The following SV2A variants were observed in gnomAD, a reference collection of about 807,000 sequenced individuals.
SV2A encodes the protein solute carrier family 22 member B1.
In SV2A, 25 loss-of-function variants were observed where a neutral mutation model predicts 78.0. That is an observed-to-expected ratio of 0.32 (90% CI 0.23 to 0.45). The LOEUF is 0.45. SV2A is among the 20% of genes least tolerant of loss of function. SV2A has a pLI of 1.00. For missense variants in SV2A, 752 were observed against 971.5 expected (o/e 0.77, Z 3.00); for synonymous variants, 355 against 384.7 (o/e 0.92, Z 0.90).
chr1:149,904,100 C>T lies in SV2A; in HGVS notation c.*914G>A, dbSNP rs1302748650. The stretch of plus-strand genomic sequence containing the variant: ...CTGTAGTGGGTGGAGCCTCTCACTC[C>T]AGAGGAGGCCTCTGCTTCTTGAGGA... On this transcript the variant is annotated 3_prime_UTR_variant, in exon 13 of 13. Transcript: ENST00000369146. The T allele has an allele frequency of 6.5e-6, 1 of 152,796 alleles. No homozygotes were observed. The highest frequency in any genetic ancestry group is 1.5e-5 in the Non-Finnish European group (1 of 68,184). 9.5% of individuals were successfully genotyped at this position (152,796 alleles called of 1,614,324 possible). A position where few individuals can be genotyped will look rare whatever the true frequency, so the allele number is the denominator to read the frequency against.
chr1:149,916,259 G>T (rs941535745), intron 1 of SV2A, among the ~76,000 whole-genome samples: 1 of 152,192 alleles, frequency 6.6e-6, no homozygotes, highest in African/African-American at 2.4e-5. Flanking sequence ...CGTAGGGCAG[G>T]GAAGCCTTCC....
chr1:149,909,869 A>G lies in SV2A; in HGVS notation c.1111T>C (p.Trp371Arg), dbSNP rs1457582487. 6.2e-7 allele frequency: 1 copy of G among 1,614,096 alleles called. No homozygotes were observed. The highest frequency in any genetic ancestry group is 1.3e-5 in the African/African-American group (1 of 74,994). Reference protein sequence around the residue: ...FLENGKHDEAWMVLKQVHDTN... With the variant: ...FLENGKHDEARMVLKQVHDTN... ...TCATGGACCTGCTTCAGCACCATCC[A>G]GGCCTCATCATGCTTTCCATTCTAG... is the stretch of plus-strand genomic sequence containing the variant. The change falls in exon 6 of 13, where the codon TGG (tryptophan) becomes CGG (arginine). Residue 371 changes from tryptophan to arginine, a missense_variant. By Grantham distance (101) the Trp-to-Arg change is moderately radical. This residue lies in a region of SV2A where 136 missense variants were observed against 132.3 expected (regional missense o/e 1.03). Transcript: ENST00000369146.
intron 1 of SV2A, among the ~76,000 whole-genome samples, chr1:149,915,103 A>G (rs901406256): frequency 2.6e-5 from 4 of 152,198 alleles, no homozygotes; most frequent in African/African-American, 9.7e-5. Flanking sequence ...GATCTCAGTC[A>G]GGGTAGTTAA....
Position 149,904,879 on chromosome 1 carries a change from A to G in SV2A, c.*135T>C. 1 of 995,656 alleles carries G rather than the reference A, an allele frequency of 1.0e-6. No individual in the cohort carries two copies. The highest frequency in any genetic ancestry group is 1.7e-5 in the South Asian group (1 of 59,336). 61.7% of individuals were successfully genotyped at this position (995,656 alleles called of 1,614,324 possible). A position where few individuals can be genotyped will look rare whatever the true frequency, so the allele number is the denominator to read the frequency against. On this transcript the variant is annotated 3_prime_UTR_variant, in exon 13 of 13. Coordinates refer to ENST00000369146, the MANE Select transcript of SV2A (RefSeq NM_014849.5). ...TTTACACACATGCACACGCACACGC[A>G]CACACAGCTAAGACACCAAACACGG...
At chr1:149,917,000 A>G (rs1186906760) in intron 1 of SV2A, among the ~76,000 whole-genome samples, 1 of 151,808 alleles carries the variant, frequency 6.6e-6, no homozygotes, top group Non-Finnish European at 1.5e-5. Flanking sequence ...CCCTATCAGC[A>G]TTTGCAGCGA....
rs1465111542 is a variant in SV2A at position 149,904,472 on chromosome 1, T to A, written c.*542A>T. On this transcript the variant is annotated 3_prime_UTR_variant, in exon 13 of 13. Coordinates refer to ENST00000369146, the MANE Select transcript of SV2A (RefSeq NM_014849.5). ...TCAGGCTTCATATTTGCAGCCCAAA[T>A]TGAGAGGAAAGTGGAGGCCAGAGGG... is the stretch of plus-strand genomic sequence containing the variant. 1.3e-5 allele frequency: 2 copies of A among 152,936 alleles called. No homozygotes were observed. The highest frequency in any genetic ancestry group is 4.8e-5 in the African/African-American group (2 of 41,432). The allele number at this position is 152,936 out of a possible 1,614,324, so 9.5% of individuals were successfully genotyped here. A position where few individuals can be genotyped will look rare whatever the true frequency, so the allele number is the denominator to read the frequency against.
In SV2A at chr1:149,913,719, T is replaced by C. The variant is rs1409136448; in HGVS notation, c.122A>G (p.Tyr41Cys). Residue 41 changes from tyrosine (Y) to cysteine (C), a missense_variant, in exon 2 of 13, where the codon TAT (tyrosine) becomes TGT (cysteine). This residue lies in a region of SV2A where 291 missense variants were observed against 359.5 expected (regional missense o/e 0.81). Transcript: ENST00000369146. ...AAAGCGGGAGTACGATCTTCGGGAATATTCGTCCTGGACTCTGTCCAGGCC... is the reference window on the plus strand; with the variant it reads ...AAAGCGGGAGTACGATCTTCGGGAACATTCGTCCTGGACTCTGTCCAGGCC... ...VKGLDRVQDE[Y>C]SRRSYSRFEE... The C allele has an allele frequency of 1.2e-6, 2 of 1,613,956 alleles. No homozygotes were observed. The highest frequency in any genetic ancestry group is 1.3e-5 in the African/African-American group (1 of 74,878).
intron 8 of SV2A, among the ~76,000 whole-genome samples, chr1:149,908,669 G>A (rs948046088): frequency 1.7e-4 from 25 of 151,422 alleles, no homozygotes; most frequent in Non-Finnish European, 2.9e-4. Context: ...ACGGAGTCTC[G>A]CTCTGTCACC....
At chr1:149,905,317 G>A in intron 12 of SV2A, 120 bp from the exon 13 acceptor site, 2 of 876,124 alleles carry the variant, frequency 2.3e-6, no homozygotes, top group Non-Finnish European at 3.5e-6. Flanking sequence ...GGAGAGAGAA[G>A]GTTGGAGAGA....
chr1:149,904,846 C>G lies in SV2A; in HGVS notation c.*168G>C. 3 of 709,922 alleles carry G rather than the reference C, an allele frequency of 4.2e-6. No homozygotes were observed. Among genetic ancestry groups the G allele is most frequent in the Non-Finnish European group, 6.8e-6 (3 of 440,118 alleles). The allele number at this position is 709,922 out of a possible 1,614,324, so 44.0% of individuals were successfully genotyped here. A position where few individuals can be genotyped will look rare whatever the true frequency, so the allele number is the denominator to read the frequency against. Reference sequence around the variant, plus strand: ...AAGGAGCCTTCCCTGTAGTCCCTGCCCACGGGGTTTACACACATGCACACG... The same window carrying G: ...AAGGAGCCTTCCCTGTAGTCCCTGCGCACGGGGTTTACACACATGCACACG... On this transcript the variant is annotated 3_prime_UTR_variant, in exon 13 of 13. Transcript: ENST00000369146.
In SV2A at chr1:149,910,801, G is replaced by C; in HGVS notation, c.955+25C>G. The C allele has an allele frequency of 6.2e-7, 1 of 1,612,440 alleles. No homozygotes were observed. The highest frequency in any genetic ancestry group is 8.5e-7 in the Non-Finnish European group (1 of 1,178,642). On this transcript the variant is annotated intron_variant, in intron 4 of 12. Transcript: ENST00000369146. The surrounding 1 kb of genome is among the most constrained non-coding windows in gnomAD (Gnocchi z 4.2). ...GAAGAGGGAGGAGGGAGATAACCTG[G>C]GGTGGATTTCCGGGGGCTGCTCACC...
chr1:149,914,002 G>T lies in SV2A; in HGVS notation c.-162C>A. On this transcript the variant is annotated 5_prime_UTR_variant, in exon 2 of 13. Coordinates refer to ENST00000369146, the MANE Select transcript of SV2A (RefSeq NM_014849.5). Reference sequence around the variant, plus strand: ...CAAAAAAAAGAGCAAACAGGTCCTAGCCAATGAGTGCCTAGGAAGGAAAAG... The same window carrying T: ...CAAAAAAAAGAGCAAACAGGTCCTATCCAATGAGTGCCTAGGAAGGAAAAG... 9.6e-7 allele frequency: 1 copy of T among 1,045,372 alleles called. No homozygotes were observed. The highest frequency in any genetic ancestry group is 1.3e-6 in the Non-Finnish European group (1 of 743,502). The allele number at this position is 1,045,372 out of a possible 1,614,324, so 64.8% of individuals were successfully genotyped here.
In SV2A at chr1:149,913,521, C is replaced by A. The variant is rs2092490294; in HGVS notation, c.320G>T (p.Gly107Val). Residue 107 changes from glycine (G) to valine (V), a missense_variant, in exon 2 of 13, where the codon GGG becomes GTG. This residue lies in a region of SV2A where 291 missense variants were observed against 359.5 expected (regional missense o/e 0.81). Transcript: ENST00000369146. ...ATCTGCCATCCGCTCGCCTTTGCCC[C>A]CAGACTCTGCCCGGGGAATGCCCTG... is the stretch of plus-strand genomic sequence containing the variant. ...EYQGIPRAES[G>V]GKGERMADGA... 1 of 1,613,976 alleles carries A rather than the reference C, an allele frequency of 6.2e-7. No homozygotes were observed. The highest frequency in any genetic ancestry group is 8.5e-7 in the Non-Finnish European group (1 of 1,179,982).
At chr1:149,906,133 C>G in intron 11 of SV2A, 94 bp from the exon 12 acceptor site, 1 of 1,467,322 alleles carries the variant, frequency 6.8e-7, no homozygotes, top group Non-Finnish European at 9.2e-7. Context: ...TCAGATAGCC[C>G]AGGATGAGAC....
chr1:149,909,738 G>A (rs2092463434), intron 6 of SV2A, 63 bp downstream of exon 6: 3 of 1,573,768 alleles, frequency 1.9e-6, no homozygotes, highest in African/African-American at 1.3e-5. Context: ...TACTCAGAGA[G>A]GGGCCAGGTA....
chr1:149,913,630 T>A lies in SV2A; in HGVS notation c.211A>T (p.Thr71Ser), dbSNP rs1553764135. ...GCACCACCTTCCTCCTCATCCTGGG[T>A]CCCTTCTCCTCGGTAATAACCATCA... ...PSDGYYRGEG[T>S]QDEEEGGASS... The change falls in exon 2 of 13, where the codon ACC becomes TCC. Residue 71 changes from threonine to serine, a missense_variant. By Grantham distance (58) the Thr-to-Ser change is moderately conservative. This residue lies in a region of SV2A where 291 missense variants were observed against 359.5 expected (regional missense o/e 0.81). Transcript: ENST00000369146. The A allele has an allele frequency of 6.2e-7, 1 of 1,614,040 alleles. No individual in the cohort carries two copies. The highest frequency in any genetic ancestry group is 8.5e-7 in the Non-Finnish European group (1 of 1,180,028).
In SV2A at chr1:149,914,179, T is replaced by G. The variant is rs115160215; in HGVS notation, c.-339A>C. On this transcript the variant is annotated 5_prime_UTR_variant, in exon 2 of 13. Transcript: ENST00000369146. ...GTCGCCTGCTTCTCTTCCACAAGCC[T>G]CTGGAGACCTAGAAAAAATAACAGA... 4,275 of 241,884 alleles carry G rather than the reference T, an allele frequency of 0.018. 175 individuals are homozygous for G. The highest frequency in any genetic ancestry group is 0.088 in the African/African-American group (3,961 of 44,864). 15.0% of individuals were successfully genotyped at this position (241,884 alleles called of 1,614,324 possible).
intron 8 of SV2A, 40 bp from the exon 9 acceptor site, chr1:149,908,246 C>A (rs1553763106): frequency 1.3e-6 from 2 of 1,594,478 alleles, no homozygotes; most frequent in Admixed American, 3.4e-5. Context: ...AACAGGGCTT[C>A]AGACAAGGCT....
At chr1:149,917,445 C>T (rs781859952) in intron 1 of SV2A, among the ~76,000 whole-genome samples, 15 of 152,108 alleles carry the variant, frequency 9.9e-5, no homozygotes, top group Non-Finnish European at 1.8e-4. Context: ...CCCACCACCA[C>T]GTTAATCTCC....
Sources: gnomAD v4.1 joint callset for allele counts (sites outside exome capture counted in the v4.1 genomes callset) on GRCh38, gnomAD v4.1.1 for gene constraint, gnomAD v4.1.1 regional missense constraint, Gnocchi (gnomAD v3.1) non-coding constraint, MANE v1.5 for transcripts, NCBI Gene and HGNC (gene_info 2026-07-23, HGNC 2026-07-21) for gene names.